The following TMEM51 variants were observed in gnomAD, a reference collection of about 807,000 sequenced individuals.
The protein encoded by TMEM51 is transmembrane protein 51.
In TMEM51, 8 loss-of-function variants were observed where a neutral mutation model predicts 13.6. The ratio of observed to expected loss-of-function variants is 0.59; its 90% confidence interval spans 0.35 to 1.07. The LOEUF is 1.07. Ranked by LOEUF, TMEM51 falls within the 50% of genes least tolerant of loss-of-function variation. The pLI, the probability that TMEM51 is intolerant of heterozygous loss-of-function variation, is 0.02. For synonymous variants in TMEM51, 147 were observed against 144.4 expected, an observed-to-expected ratio of 1.02 and a Z score of -0.13; for missense variants, 279 against 330.7, an observed-to-expected ratio of 0.84 and a Z score of 1.21.
intron 1 of TMEM51, among the ~76,000 whole-genome samples, chr1:15,210,024 C>A (rs1186252076): frequency 6.6e-6 from 1 of 151,372 alleles, no homozygotes; most frequent in Non-Finnish European, 1.5e-5. Context: ...AAGTAAGACT[C>A]AGGAAGGAAG....
At position 15,219,973 on chromosome 1, in the gene TMEM51, TC is replaced by T. The variant is rs1644492341; in HGVS notation, c.*231del. The stretch of plus-strand genomic sequence containing the variant: ...GAGATGCTGCCTTGGAGCTGGTGAA[TC>T]TGTGGACCACATTCAAGGGTGTGGC... On this transcript the variant is annotated 3_prime_UTR_variant, in exon 4 of 4. Coordinates refer to ENST00000376008, the MANE Select transcript of TMEM51 (RefSeq NM_001136218.2). The T allele has an allele frequency of 1.8e-6, 1 of 566,260 alleles. No homozygotes were observed. Among genetic ancestry groups the T allele is most frequent in the Non-Finnish European group, 3.1e-6 (1 of 319,534 alleles). 35.1% of individuals were successfully genotyped at this position (566,260 alleles called of 1,614,324 possible). A position where few individuals can be genotyped will look rare whatever the true frequency, so the allele number is the denominator to read the frequency against.
intron 1 of TMEM51, chr1:15,164,562 G>A: frequency 2.3e-6 from 1 of 438,528 alleles, no homozygotes; most frequent in Non-Finnish European, 4.6e-6. Context: ...CTTGGTTAAG[G>A]TGGTGTCTGC....
Position 15,161,882 on chromosome 1 carries a change from T to C in TMEM51, c.-267+7928T>C, listed in dbSNP as rs959258818. 6.6e-6 allele frequency among the ~76,000 whole-genome samples: 1 copy of C among 151,998 alleles called. No homozygotes were observed. The highest frequency in any genetic ancestry group is 2.4e-5 in the African/African-American group (1 of 41,276). On this transcript the variant is annotated intron_variant, in intron 1 of 3. Coordinates refer to ENST00000376008, the MANE Select transcript of TMEM51 (RefSeq NM_001136218.2). The surrounding 1 kb of genome is among the most constrained non-coding windows in gnomAD (Gnocchi z 4.0). ...AGGCGGAGGTTGCAGTGAGCCGAGATGGAGCCACTGCACTCCAGCCTAGCG... is the reference window on the plus strand; with the variant it reads ...AGGCGGAGGTTGCAGTGAGCCGAGACGGAGCCACTGCACTCCAGCCTAGCG...
chr1:15,186,033 T>C (rs1446717081), intron 1 of TMEM51, among the ~76,000 whole-genome samples: 1 of 152,154 alleles, frequency 6.6e-6, no homozygotes, highest in Non-Finnish European at 1.5e-5. Flanking sequence ...TCCAGTCCTG[T>C]CCTCCAGCTA....
chr1:15,155,266 CCA>C (rs1054920322), intron 1 of TMEM51, among the ~76,000 whole-genome samples: 1 of 152,154 alleles, frequency 6.6e-6, no homozygotes, highest in African/African-American at 2.4e-5. Context: ...CCCCAGTGAC[CCA>C]GAGCCCAGAA....
At chr1:15,199,663 T>A (rs979288542) in intron 1 of TMEM51, among the ~76,000 whole-genome samples, 4 of 152,180 alleles carry the variant, frequency 2.6e-5, no homozygotes, top group African/African-American at 9.7e-5. Flanking sequence ...CCAGTCTCCA[T>A]GTTTCTCTGT....
chr1:15,186,806 G>A (rs1643790562), intron 1 of TMEM51, among the ~76,000 whole-genome samples: 1 of 105,576 alleles, frequency 9.5e-6, no homozygotes, highest in South Asian at 3.3e-4. Context: ...GTGGAGAGAG[G>A]GCAGGCCAGG....
At chr1:15,183,893 C>T (rs910104) in intron 1 of TMEM51, among the ~76,000 whole-genome samples, 142,342 of 152,286 alleles carry the variant, frequency 0.93, 66,577 homozygotes, top group East Asian at 0.99. Context: ...AAGAAGCCAG[C>T]GAGAAGGACA....
intron 1 of TMEM51, among the ~76,000 whole-genome samples, chr1:15,169,895 A>T (rs962001355): frequency 3.3e-5 from 5 of 152,234 alleles, no homozygotes; most frequent in South Asian, 2.1e-4. Context: ...CTAACAGATT[A>T]CAAGTAATTT....
rs1310698826 is a variant in TMEM51, at chr1:15,196,061, G to A, written c.-266-14429G>A. ...TTATTCCTGCGACTTTGCTGTGTGT[G>A]CATCTCACTCACTGCATCTGACAAT... On this transcript the variant is annotated intron_variant, in intron 1 of 3. Coordinates refer to ENST00000376008, the MANE Select transcript of TMEM51 (RefSeq NM_001136218.2). Among the ~76,000 whole-genome samples the A allele has an allele frequency of 4.6e-5, 7 of 152,302 alleles. No individual in the cohort carries two copies. The East Asian group carries it at 1.2e-3, about 25-fold the overall frequency.
At chr1:15,185,123 G>A (rs1274403248) in intron 1 of TMEM51, among the ~76,000 whole-genome samples, 1 of 151,704 alleles carries the variant, frequency 6.6e-6, no homozygotes, top group African/African-American at 2.4e-5. Flanking sequence ...CGTATACGCA[G>A]ATTTCCCATA....
chr1:15,153,055 C>G (rs1323406046), upstream of TMEM51, among the ~76,000 whole-genome samples: 1 of 152,214 alleles, frequency 6.6e-6, no homozygotes, highest in Non-Finnish European at 1.5e-5. Flanking sequence ...CTCGGGCGTG[C>G]GATCCCGAGG....
chr1:15,174,611 G>A lies in TMEM51; in HGVS notation c.-267+20657G>A, dbSNP rs77083363. Among the ~76,000 whole-genome samples the A allele has an allele frequency of 4.5e-4, 68 of 152,230 alleles. No individual in the cohort carries two copies. The East Asian group carries it at 0.012, about 26-fold the overall frequency. ...CTGGAGACCTAGGTAAATTTCATTC[G>A]TTATTTGAGATTTTCCTATGTCAGT... On this transcript the variant is annotated intron_variant, in intron 1 of 3. Coordinates refer to ENST00000376008, the MANE Select transcript of TMEM51 (RefSeq NM_001136218.2).
intron 1 of TMEM51, among the ~76,000 whole-genome samples, chr1:15,203,468 G>A (rs561717356): frequency 7.3e-5 from 11 of 151,056 alleles, no homozygotes; most frequent in Non-Finnish European, 1.2e-4. Flanking sequence ...TCACCATGTT[G>A]GTCAGGCTGG....
chr1:15,157,143 A>G (rs1262261254), intron 1 of TMEM51, among the ~76,000 whole-genome samples: 1 of 152,176 alleles, frequency 6.6e-6, no homozygotes, highest in Non-Finnish European at 1.5e-5. Flanking sequence ...CCTCCCAGAC[A>G]GCCCCAAGAT....
At chr1:15,189,804 G>A (rs1313430983) in intron 1 of TMEM51, among the ~76,000 whole-genome samples, 6 of 152,224 alleles carry the variant, frequency 3.9e-5, no homozygotes, top group African/African-American at 7.2e-5. Flanking sequence ...TGTGGGTTGT[G>A]ATTCATCTGT....
intron 1 of TMEM51, chr1:15,171,346 A>T: frequency 7.7e-7 from 1 of 1,293,480 alleles, no homozygotes; most frequent in Non-Finnish European, 1.0e-6. Context: ...TATAGGAATT[A>T]GTTCTTATGC....
intron 2 of TMEM51, among the ~76,000 whole-genome samples, chr1:15,213,318 T>C (rs987663049): frequency 1.3e-5 from 2 of 152,234 alleles, no homozygotes; most frequent in Non-Finnish European, 1.5e-5. Flanking sequence ...TTTAACAAAG[T>C]GGCCAATTTC....
chr1:15,153,308 G>A (rs1181632499), upstream of TMEM51, among the ~76,000 whole-genome samples: 2 of 152,154 alleles, frequency 1.3e-5, no homozygotes, highest in African/African-American at 4.8e-5. Flanking sequence ...CCTGGTGTGG[G>A]AGGAAAGCGG....
Sources: gnomAD v4.1 joint callset for allele counts (sites outside exome capture counted in the v4.1 genomes callset) on GRCh38, gnomAD v4.1.1 for gene constraint, Gnocchi (gnomAD v3.1) non-coding constraint, MANE v1.5 for transcripts, NCBI Gene and HGNC (gene_info 2026-07-23, HGNC 2026-07-21) for gene names.